Variants in NDFIP2 observed in about 807,000 individuals in gnomAD.
The protein encoded by NDFIP2 is Nedd4 family interacting protein 2, also known as NEDD4 family-interacting protein 2.
Under a neutral mutation model 36.0 loss-of-function variants are expected in NDFIP2, and 19 were observed. The observed-to-expected ratio is 0.53, with a 90% CI of 0.37 to 0.77. The LOEUF is 0.77. Ranked by LOEUF, NDFIP2 falls within the 30% of genes least tolerant of loss-of-function variation. The pLI is 0.00. For missense variants in NDFIP2, 446 were observed against 435.8 expected (o/e 1.02, Z -0.21); for synonymous variants, 181 against 167.7 (o/e 1.08, Z -0.61).
Position 79,481,231 on chromosome 13 carries a change from TGCGCGA to T in NDFIP2, c.32_37del (p.Ala11_Ser12del), listed in dbSNP as rs760873945. The T allele has an allele frequency of 3.3e-6, 5 of 1,521,934 alleles. No individual in the cohort carries two copies. The South Asian group carries it at 6.0e-5, about 18-fold the overall frequency. The allele number at this position is 1,521,934 out of a possible 1,614,324, so 94.3% of individuals were successfully genotyped here. On this transcript the variant is annotated inframe_deletion, in exon 1 of 8. Coordinates refer to ENST00000218652, the MANE Select transcript of NDFIP2 (RefSeq NM_019080.3). ...GGCACGCCGGCGGAGCCAGCGAGTC[TGCGCGA>T]GCGGTCCGAGCATGCTCAATAGCGC...
At chr13:79,499,644 A>C (rs1214894342) in intron 1 of NDFIP2, among the ~76,000 whole-genome samples, 1 of 152,004 alleles carries the variant, frequency 6.6e-6, no homozygotes, top group Non-Finnish European at 1.5e-5. Flanking sequence ...CCCCCAAAAG[A>C]AATACTTAAG....
intron 1 of NDFIP2, among the ~76,000 whole-genome samples, chr13:79,495,820 G>A (rs751713075): frequency 6.6e-6 from 1 of 151,728 alleles, no homozygotes; most frequent in African/African-American, 2.4e-5. Context: ...AAAAGTTTTA[G>A]TGTCCCTTTC....
At chr13:79,498,847 T>TA (rs1397121003) in intron 1 of NDFIP2, among the ~76,000 whole-genome samples, 4 of 150,518 alleles carry the variant, frequency 2.7e-5, no homozygotes, top group African/African-American at 1.0e-4. Context: ...AACAATAATT[T>TA]AAGGAAAAAA....
At chr13:79,505,154 C>G (rs1248143057) in intron 1 of NDFIP2, among the ~76,000 whole-genome samples, 1 of 152,172 alleles carries the variant, frequency 6.6e-6, no homozygotes, top group Non-Finnish European at 1.5e-5. Flanking sequence ...ACCAACACAA[C>G]AGTTACTGCC....
At chr13:79,507,626 A>G (rs11842488) in intron 1 of NDFIP2, among the ~76,000 whole-genome samples, 6,051 of 150,978 alleles carry the variant, frequency 0.04, 396 homozygotes, top group African/African-American at 0.14. Context: ...TTGCTTTTTC[A>G]AGGACACATG....
At chr13:79,520,026 C>T (rs1874506603) in intron 1 of NDFIP2, among the ~76,000 whole-genome samples, 1 of 152,180 alleles carries the variant, frequency 6.6e-6, no homozygotes, top group Non-Finnish European at 1.5e-5. Context: ...GTCTCAAACT[C>T]CTGGCCTCAA....
intron 1 of NDFIP2, among the ~76,000 whole-genome samples, chr13:79,511,221 G>A (rs1203573554): frequency 2.6e-5 from 4 of 151,986 alleles, no homozygotes; most frequent in Non-Finnish European, 1.5e-5. Context: ...AGCTTTTCAG[G>A]GCTACTTCTA....
chr13:79,501,814 G>A (rs903056498), intron 1 of NDFIP2, among the ~76,000 whole-genome samples: 2 of 152,076 alleles, frequency 1.3e-5, no homozygotes, highest in African/African-American at 4.8e-5. Context: ...GCTTCTCTGA[G>A]TTTGTTGAGG....
At position 79,482,178 on chromosome 13, in the gene NDFIP2, T is replaced by TC. The variant is rs1420306315; in HGVS notation, c.321+654_321+655insC. 5.6e-5 allele frequency among the ~76,000 whole-genome samples: 8 copies of TC among 142,500 alleles called. No homozygotes were observed. In the East Asian group the frequency reaches 5.9e-4, roughly 10 times the overall value. 93.5% of individuals were successfully genotyped at this position (142,500 alleles called of 152,430 possible). On this transcript the variant is annotated intron_variant, in intron 1 of 7. Coordinates refer to ENST00000218652, the MANE Select transcript of NDFIP2 (RefSeq NM_019080.3). ...CTTTCTTTCTTTCTTTCTTTTTTTT[T>TC]TTTTTTTTTTTTTTTTTGGTTAGAG... is the stretch of plus-strand genomic sequence containing the variant.
At chr13:79,539,306 A>G (rs1875368977) in intron 3 of NDFIP2, among the ~76,000 whole-genome samples, 1 of 152,114 alleles carries the variant, frequency 6.6e-6, no homozygotes, top group South Asian at 2.1e-4. Flanking sequence ...ATTTTTGATA[A>G]TTATTGCAAA....
At chr13:79,550,582 T>C (rs1414155) in intron 6 of NDFIP2, among the ~76,000 whole-genome samples, 89,112 of 150,744 alleles carry the variant, frequency 0.59, 27,132 homozygotes, top group African/African-American at 0.72. Context: ...TAATTGTTAG[T>C]AACCTCATGT....
intron 1 of NDFIP2, among the ~76,000 whole-genome samples, chr13:79,487,487 C>A (rs1577417): frequency 0.037 from 5,698 of 152,178 alleles, 167 homozygotes; most frequent in Non-Finnish European, 0.053. Flanking sequence ...TTGTACAAAT[C>A]TTTCTGTAAA....
intron 1 of NDFIP2, among the ~76,000 whole-genome samples, chr13:79,499,664 A>G (rs1873579796): frequency 6.6e-6 from 1 of 151,926 alleles, no homozygotes; most frequent in African/African-American, 2.4e-5. Context: ...GTATAAATCT[A>G]ACAAACTGTG....
In NDFIP2 at chr13:79,481,285, C is replaced by T. The variant is rs1244039337; in HGVS notation, c.82C>T (p.Arg28Cys). ...CGCGCGCGGCGCCCCGGAGCTTCTCCGCGGAACCGCGACCAACGCGGAGGT... is the reference window on the plus strand; with the variant it reads ...CGCGCGCGGCGCCCCGGAGCTTCTCTGCGGAACCGCGACCAACGCGGAGGT... ...NSARGAPELLRGTATNAEVSA... is the reference protein window; with the variant it reads ...NSARGAPELLCGTATNAEVSA... The change falls in exon 1 of 8, where the codon CGC becomes TGC. Residue 28 changes from arginine to cysteine, a missense_variant. Physicochemically the swap from Arg to Cys is radical, Grantham distance 180 (BLOSUM62 -3). Coordinates refer to ENST00000218652, the MANE Select transcript of NDFIP2 (RefSeq NM_019080.3). 5.8e-6 allele frequency: 9 copies of T among 1,538,766 alleles called. No individual in the cohort carries two copies. Among genetic ancestry groups the T allele is most frequent in the South Asian group, 1.2e-5 (1 of 83,980 alleles).
intron 1 of NDFIP2, among the ~76,000 whole-genome samples, chr13:79,495,387 T>C (rs1446617704): frequency 6.6e-6 from 1 of 151,962 alleles, no homozygotes; most frequent in Non-Finnish European, 1.5e-5. Context: ...TCTTATGAAA[T>C]GTCCCACTTT....
At chr13:79,501,095 G>A (rs1162984474) in intron 1 of NDFIP2, among the ~76,000 whole-genome samples, 4 of 152,024 alleles carry the variant, frequency 2.6e-5, no homozygotes, top group Non-Finnish European at 5.9e-5. Flanking sequence ...GATTTAAACT[G>A]TATGACATTC....
chr13:79,515,286 A>G (rs547164952), intron 1 of NDFIP2, among the ~76,000 whole-genome samples: 4 of 152,228 alleles, frequency 2.6e-5, no homozygotes, highest in South Asian at 2.1e-4. Flanking sequence ...GTGGCATACA[A>G]CTGTACAGAT....
chr13:79,545,322 A>C (rs1047524358), intron 5 of NDFIP2, among the ~76,000 whole-genome samples: 1 of 152,204 alleles, frequency 6.6e-6, no homozygotes, highest in Admixed American at 6.5e-5. Context: ...TCTCATAAGA[A>C]CCTCAGGTTG....
rs754095938 is a variant in NDFIP2, at chr13:79,543,609, A to G, written c.767A>G (p.Asn256Ser). The G allele has an allele frequency of 3.9e-5, 63 of 1,613,794 alleles. No individual in the cohort carries two copies. In the East Asian group the frequency reaches 4.9e-4, roughly 13 times the overall value. ...LGFCLSFCIT[N>S]TIAGRYGAIC... is the part of the protein sequence containing the mutation. ...TTTTGTTTATCCTTCTGTATCACCA[A>G]TACCATAGCTGGAAGGTATGGTGCT... The change falls in exon 5 of 8, where the codon AAT becomes AGT. Residue 256 changes from asparagine (N) to serine (S), a missense_variant. Physicochemically the swap from Asn to Ser is conservative, Grantham distance 46. This residue lies in a region of NDFIP2 where 77 missense variants were observed against 131.0 expected (regional missense o/e 0.59). Coordinates refer to ENST00000218652, the MANE Select transcript of NDFIP2 (RefSeq NM_019080.3).
Sources: allele counts gnomAD v4.1 joint callset (sites outside exome capture counted in the v4.1 genomes callset), GRCh38; gene constraint gnomAD v4.1.1; regional missense constraint gnomAD v4.1.1; transcripts MANE v1.5; gene names NCBI Gene and HGNC (gene_info 2026-07-23, HGNC 2026-07-21).